Variants in PLCB4 observed in about 807,000 individuals in gnomAD.
PLCB4 encodes the protein phospholipase C beta 4.
Under a neutral mutation model 178.8 loss-of-function variants are expected in PLCB4, and 77 were observed. The ratio of observed to expected loss-of-function variants is 0.43; its 90% CI spans 0.36 to 0.52. PLCB4 has a LOEUF of 0.52. Ranked by LOEUF, PLCB4 falls within the 20% of genes least tolerant of loss-of-function variation. The pLI is 0.00. For synonymous variants in PLCB4, 496 were observed against 490.8 expected, an observed-to-expected ratio of 1.01 and a Z score of -0.14; for missense variants, 1,024 against 1,453.4, an observed-to-expected ratio of 0.70 and a Z score of 4.80.
chr20:9,095,671 AATAC>A (rs990568059), intron 1 of PLCB4, among the ~76,000 whole-genome samples: 1 of 152,202 alleles, frequency 6.6e-6, no homozygotes, highest in Non-Finnish European at 1.5e-5. Flanking sequence ...TATTGAAAGT[AATAC>A]ATGTAAAATA....
Position 9,246,770 on chromosome 20 carries a change from T to G in PLCB4, c.-16+29318T>G, listed in dbSNP as rs115383808. Among the ~76,000 whole-genome samples, 397 of 152,308 alleles carry G rather than the reference T, an allele frequency of 2.6e-3. 1 individual carries two copies. Among genetic ancestry groups the G allele is most frequent in the African/African-American group, 9.2e-3 (381 of 41,570 alleles). On this transcript the variant is annotated intron_variant, in intron 3 of 39. Coordinates refer to ENST00000378473, the MANE Select transcript of PLCB4 (RefSeq NM_001377142.1). ...TATGATCCCAGTTATTCAATATGAC[T>G]GGATTTGAACTCGACTGGGTAAATT...
chr20:9,253,871 G>A (rs1201020449), intron 3 of PLCB4, among the ~76,000 whole-genome samples: 1 of 152,120 alleles, frequency 6.6e-6, no homozygotes, highest in East Asian at 1.9e-4. Context: ...GTTTCTCTTT[G>A]GAGAAGGGAA....
intron 2 of PLCB4, among the ~76,000 whole-genome samples, chr20:9,185,994 G>A (rs573481210): frequency 6.6e-6 from 1 of 152,238 alleles, no homozygotes; most frequent in South Asian, 2.1e-4. Context: ...ATCATGTTTA[G>A]CGTTTACTGC....
At chr20:9,326,688 G>T (rs1267820634) in intron 4 of PLCB4, among the ~76,000 whole-genome samples, 1 of 152,076 alleles carries the variant, frequency 6.6e-6, no homozygotes, top group African/African-American at 2.4e-5. Context: ...TGTTGTGATG[G>T]CTCGTCTGTG....
intron 32 of PLCB4, among the ~76,000 whole-genome samples, chr20:9,448,150 T>G (rs1439025771): frequency 6.6e-6 from 1 of 152,188 alleles, no homozygotes; most frequent in Non-Finnish European, 1.5e-5. Context: ...TTTTGAGCCC[T>G]TAGTAGAAAC....
At chr20:9,158,601 A>G (rs928711015) in intron 2 of PLCB4, among the ~76,000 whole-genome samples, 4 of 151,372 alleles carry the variant, frequency 2.6e-5, no homozygotes, top group Non-Finnish European at 5.9e-5. Context: ...TTAACCGTAC[A>G]AAACAGTATT....
At chr20:9,193,562 G>A (rs969485978) in intron 2 of PLCB4, among the ~76,000 whole-genome samples, 5 of 152,168 alleles carry the variant, frequency 3.3e-5, no homozygotes, top group Admixed American at 2.6e-4. Context: ...TGGGTGCTAA[G>A]CGTGAGGGGA....
At chr20:9,382,542 T>G (rs1034099247) in intron 13 of PLCB4, among the ~76,000 whole-genome samples, 1 of 152,228 alleles carries the variant, frequency 6.6e-6, no homozygotes, top group African/African-American at 2.4e-5. Flanking sequence ...TCTGTCTTGC[T>G]GTCATTGAAT....
chr20:9,388,830 G>A (rs569714803), intron 15 of PLCB4, among the ~76,000 whole-genome samples: 1 of 152,156 alleles, frequency 6.6e-6, no homozygotes, highest in South Asian at 2.1e-4. Flanking sequence ...TTCTTGATAT[G>A]TACCAAGAGT....
intron 2 of PLCB4, among the ~76,000 whole-genome samples, chr20:9,194,888 T>C (rs1455550422): frequency 2.0e-5 from 3 of 152,270 alleles, no homozygotes; most frequent in Non-Finnish European, 2.9e-5. Context: ...CTTCATGCAT[T>C]GTCCTAATGC....
At chr20:9,439,591 T>C (rs988134467) in intron 30 of PLCB4, among the ~76,000 whole-genome samples, 1 of 152,176 alleles carries the variant, frequency 6.6e-6, no homozygotes, top group Non-Finnish European at 1.5e-5. Context: ...TAGAAAAGCT[T>C]TGGAGTTGCC....
At chr20:9,238,603 G>A (rs1009521418) in intron 3 of PLCB4, among the ~76,000 whole-genome samples, 2 of 152,160 alleles carry the variant, frequency 1.3e-5, no homozygotes, top group African/African-American at 4.8e-5. Flanking sequence ...CAATACCTGT[G>A]TCTGTGATTT....
chr20:9,393,730 A>G (rs755721328), intron 18 of PLCB4, 52 bp downstream of exon 18: 8 of 1,157,060 alleles, frequency 6.9e-6, no homozygotes, highest in Middle Eastern at 1.9e-4. Context: ...ATGTGTGGAC[A>G]TTTCAGCTGT....
At chr20:9,179,030 G>T (rs1288183334) in intron 2 of PLCB4, among the ~76,000 whole-genome samples, 1 of 152,042 alleles carries the variant, frequency 6.6e-6, no homozygotes, top group Non-Finnish European at 1.5e-5. Flanking sequence ...TTGAACTTAT[G>T]ATAAAAAATG....
chr20:9,368,830 A>G (rs182871870), intron 9 of PLCB4, among the ~76,000 whole-genome samples: 52 of 152,240 alleles, frequency 3.4e-4, no homozygotes, highest in Admixed American at 2.9e-3. Context: ...GACACAACTC[A>G]GGGGTGTTTG....
intron 7 of PLCB4, among the ~76,000 whole-genome samples, chr20:9,347,863 A>G (rs1265566221): frequency 6.6e-6 from 1 of 152,164 alleles, no homozygotes; most frequent in African/African-American, 2.4e-5. Flanking sequence ...AGTTCCAGCT[A>G]CTCAGGAGAC....
At chr20:9,104,890 G>T (rs1252279331) in intron 2 of PLCB4, among the ~76,000 whole-genome samples, 1 of 151,738 alleles carries the variant, frequency 6.6e-6, no homozygotes, top group African/African-American at 2.4e-5. Context: ...CCATTTTAAA[G>T]ACCTCCCAAT....
At chr20:9,335,958 T>C (rs1332686362) in intron 4 of PLCB4, among the ~76,000 whole-genome samples, 1 of 152,206 alleles carries the variant, frequency 6.6e-6, no homozygotes, top group Non-Finnish European at 1.5e-5. Context: ...GCCTAGTATC[T>C]TGGCATTGGA....
chr20:9,188,437 G>T (rs1051967408), intron 2 of PLCB4, among the ~76,000 whole-genome samples: 77 of 152,284 alleles, frequency 5.1e-4, no homozygotes, highest in African/African-American at 1.8e-3. Flanking sequence ...GAGGTGGAGG[G>T]GAATTCAGAC....
Sources: allele counts gnomAD v4.1 joint callset (sites outside exome capture counted in the v4.1 genomes callset), GRCh38; gene constraint gnomAD v4.1.1; transcripts MANE v1.5; gene names NCBI Gene and HGNC (gene_info 2026-07-23, HGNC 2026-07-21).